SUPT16H: variants seen among roughly 807,000 people sequenced by gnomAD.
SUPT16H encodes SPT16 homolog, facilitates chromatin remodeling subunit, also known as FACT complex subunit SPT16.
In SUPT16H, 24 loss-of-function variants were observed where a neutral mutation model predicts 136.2. The ratio of observed to expected loss-of-function variants is 0.18; its 90% confidence interval spans 0.13 to 0.25. The LOEUF (loss-of-function observed/expected upper bound fraction) is 0.25, where lower values mean the gene tolerates loss of function less well. Ranked by LOEUF, SUPT16H falls within the 10% of genes least tolerant of loss-of-function variation. The pLI is 1.00. For synonymous variants in SUPT16H, 415 were observed against 428.2 expected (o/e 0.97, Z 0.38); for missense variants, 623 against 1,270.2 (o/e 0.49, Z 7.74).
chr14:21,355,414 ACCTGG>A (rs1201850257), intron 22 of SUPT16H, among the ~76,000 whole-genome samples: 12 of 150,904 alleles, frequency 8.0e-5, no homozygotes, highest in African/African-American at 2.7e-4. Context: ...AATCGCTTGA[ACCTGG>A]GAGGTGGAGG....
intron 1 of SUPT16H, among the ~76,000 whole-genome samples, chr14:21,375,169 C>A (rs547699034): frequency 6.6e-6 from 1 of 152,048 alleles, no homozygotes; most frequent in Non-Finnish European, 1.5e-5. Flanking sequence ...TGCACCACCA[C>A]GCCCAGCTAA....
chr14:21,377,952 A>G (rs1886939526), intron 1 of SUPT16H, among the ~76,000 whole-genome samples: 1 of 152,152 alleles, frequency 6.6e-6, no homozygotes, highest in Non-Finnish European at 1.5e-5. Context: ...AAGTTCTTAG[A>G]GAAAATGTGC....
At chr14:21,354,800 C>G in intron 22 of SUPT16H, 1 of 289,144 alleles carries the variant, frequency 3.5e-6, no homozygotes, top group South Asian at 3.5e-5. Flanking sequence ...CCATGTTGGT[C>G]AGGCTGGTCT....
intron 25 of SUPT16H, 90 bp from the exon 26 acceptor site, chr14:21,352,908 T>A: frequency 6.4e-7 from 1 of 1,550,950 alleles, no homozygotes; most frequent in Non-Finnish European, 8.8e-7. Flanking sequence ...GAGAATACAC[T>A]TTGGAATCAG....
chr14:21,366,642 A>T, intron 7 of SUPT16H, 113 bp from the exon 8 acceptor site: 1 of 961,748 alleles, frequency 1.0e-6, no homozygotes, highest in Non-Finnish European at 1.5e-6. Flanking sequence ...AGTGTGAACT[A>T]AACAGTCCAC....
intron 1 of SUPT16H, among the ~76,000 whole-genome samples, chr14:21,380,643 A>C (rs1887003303): frequency 6.6e-6 from 1 of 152,174 alleles, no homozygotes; most frequent in Non-Finnish European, 1.5e-5. Flanking sequence ...CAGTTGGTGT[A>C]TGCTCACAAG....
chr14:21,381,739 AG>A (rs1408397280), intron 1 of SUPT16H, among the ~76,000 whole-genome samples: 1 of 151,266 alleles, frequency 6.6e-6, no homozygotes, highest in Non-Finnish European at 1.5e-5. Context: ...CATCACAAGT[AG>A]CTAGGACTAT....
chr14:21,366,548 G>C lies in SUPT16H; in HGVS notation c.956-19C>G. ...TTCACACCTAATAACAAGACACAAA[G>C]GAGATATTAAAGTATCTTTTAGGAA... On this transcript the variant is annotated intron_variant, in intron 7 of 25. Transcript: ENST00000216297. 1 of 1,600,114 alleles carries C rather than the reference G, an allele frequency of 6.2e-7. No individual in the cohort carries two copies. The highest frequency in any genetic ancestry group is 1.7e-4 in the Middle Eastern group (1 of 5,964).
chr14:21,377,849 C>T (rs955814242), intron 1 of SUPT16H, among the ~76,000 whole-genome samples: 1 of 152,168 alleles, frequency 6.6e-6, no homozygotes, highest in African/African-American at 2.4e-5. Flanking sequence ...GTCTTGAGCT[C>T]CTGGCCTTAA....
intron 19 of SUPT16H, among the ~76,000 whole-genome samples, chr14:21,358,854 C>A (rs1282746294): frequency 2.6e-5 from 4 of 152,220 alleles, no homozygotes; most frequent in East Asian, 1.9e-4. Context: ...GTCGCCCAGG[C>A]TGGAGTGCGG....
chr14:21,383,971 G>C lies in SUPT16H; in HGVS notation c.-44C>G, dbSNP rs1462315616. The C allele has an allele frequency of 5.6e-6, 9 of 1,610,948 alleles. No homozygotes were observed. Among genetic ancestry groups the C allele is most frequent in the Non-Finnish European group, 6.8e-6 (8 of 1,178,876 alleles). On this transcript the variant is annotated 5_prime_UTR_variant, in exon 1 of 26. Transcript: ENST00000216297. ...TCCTCGGGTTCCGAGAATCACGCGAGGTCCCGGCTCAGCCACCCGCTCTCG... is the reference window on the plus strand; with the variant it reads ...TCCTCGGGTTCCGAGAATCACGCGACGTCCCGGCTCAGCCACCCGCTCTCG...
At chr14:21,362,653 G>T (rs1886581449) in intron 14 of SUPT16H, 141 bp downstream of exon 14, 1 of 1,000,364 alleles carries the variant, frequency 1.0e-6, no homozygotes, top group Non-Finnish European at 1.4e-6. Context: ...AGAATGACAA[G>T]ACAAGAGGGA....
intron 22 of SUPT16H, chr14:21,354,884 G>A (rs941894416): frequency 3.0e-4 from 58 of 190,328 alleles, no homozygotes; most frequent in Admixed American, 1.2e-3. Flanking sequence ...GAGCCACCGC[G>A]CCCTGCCTGG....
rs115828277 is a variant in SUPT16H, at chr14:21,363,585, T to C, written c.1234-82A>G. The stretch of plus-strand genomic sequence containing the variant: ...AACCTAGTAAACGGCTGGGCAATGC[T>C]TTGAATCTTTTGGACACTAAAATGT... On this transcript the variant is annotated intron_variant, in intron 10 of 25. Coordinates refer to ENST00000216297, the MANE Select transcript of SUPT16H (RefSeq NM_007192.4). 3.0e-3 allele frequency: 3,518 copies of C among 1,188,128 alleles called. 88 individuals carry two copies. In the African/African-American group the frequency reaches 0.049, roughly 16 times the overall value. 73.6% of individuals were successfully genotyped at this position (1,188,128 alleles called of 1,614,324 possible).
In SUPT16H at chr14:21,368,241, T is replaced by A. The variant is rs8008670; in HGVS notation, c.955+28A>T. The stretch of plus-strand genomic sequence containing the variant: ...CAATGACATTTTTGTTACACAACTT[T>A]CAAACCTCCTTTTCTAAGGCACCTC... On this transcript the variant is annotated intron_variant, in intron 7 of 25. Transcript: ENST00000216297. 68 of 1,593,346 alleles carry A rather than the reference T, an allele frequency of 4.3e-5. No individual in the cohort carries two copies. In the South Asian group the frequency reaches 7.6e-4, roughly 18 times the overall value.
At chr14:21,369,678 C>A in intron 5 of SUPT16H, 72 bp downstream of exon 5, 1 of 1,581,100 alleles carries the variant, frequency 6.3e-7, no homozygotes, top group Non-Finnish European at 8.6e-7. Context: ...GAAGAACACA[C>A]CAACAGATTT....
At chr14:21,361,235 T>C (rs781457147) in intron 15 of SUPT16H, 22 bp from the exon 16 acceptor site, 8 of 1,613,254 alleles carry the variant, frequency 5.0e-6, no homozygotes, top group Admixed American at 1.7e-5. Context: ...CAACAGCATT[T>C]ATAGACATTT....
At chr14:21,367,253 T>G (rs1277626113) in intron 7 of SUPT16H, among the ~76,000 whole-genome samples, 2 of 152,212 alleles carry the variant, frequency 1.3e-5, no homozygotes, top group Non-Finnish European at 2.9e-5. Flanking sequence ...TTAATCATAC[T>G]ATTTGAGAAT....
At chr14:21,354,094 C>A (rs1886378592) in intron 23 of SUPT16H, among the ~76,000 whole-genome samples, 1 of 152,158 alleles carries the variant, frequency 6.6e-6, no homozygotes, top group Non-Finnish European at 1.5e-5. Flanking sequence ...GAAAGACTTT[C>A]TGTATTTACG....
Sources: allele counts gnomAD v4.1 joint callset (sites outside exome capture counted in the v4.1 genomes callset), GRCh38; gene constraint gnomAD v4.1.1; transcripts MANE v1.5; gene names NCBI Gene and HGNC (gene_info 2026-07-23, HGNC 2026-07-21).